The following SLC24A2 variants were observed in gnomAD, a reference collection of about 807,000 sequenced individuals.
SLC24A2 encodes the protein solute carrier family 24 member 2, also known as sodium/potassium/calcium exchanger 2.
SLC24A2 carries 36 observed loss-of-function variants against 62.0 expected under a neutral mutation model. The observed-to-expected ratio is 0.58, with a 90% CI of 0.44 to 0.77. The LOEUF (loss-of-function observed/expected upper bound fraction) is 0.77, where lower values mean the gene tolerates loss of function less well. SLC24A2 is among the 30% of genes least tolerant of loss of function. The probability of loss-of-function intolerance (pLI) is 0.00; values close to 1 mark genes in which losing one functional copy is unlikely to be tolerated. For missense variants in SLC24A2, 846 were observed against 817.9 expected (o/e 1.03, Z -0.42); for synonymous variants, 358 against 294.0 (o/e 1.22, Z -2.23).
chr9:20,064,915 G>C, the SLC24A2 span, among the ~76,000 whole-genome samples: 8 of 152,154 alleles, frequency 5.3e-5, no homozygotes, highest in African/African-American at 1.9e-4. Context: ...AGTCACCCTG[G>C]GGCAGGGAAG....
the SLC24A2 span, among the ~76,000 whole-genome samples, chr9:20,205,649 TAAA>T: frequency 1.8e-4 from 12 of 65,342 alleles, no homozygotes; most frequent in South Asian, 1.2e-3. Flanking sequence ...AGACTCCATC[TAAA>T]AAAAAAAAAA....
At chr9:19,523,949 T>C (rs1833313621) in intron 9 of SLC24A2, among the ~76,000 whole-genome samples, 2 of 152,022 alleles carry the variant, frequency 1.3e-5, no homozygotes, top group African/African-American at 2.4e-5. Flanking sequence ...AAGCCTTTTG[T>C]GGAAGAAGAA....
At chr9:19,686,937 G>T (rs1819898626) in intron 2 of SLC24A2, among the ~76,000 whole-genome samples, 1 of 152,088 alleles carries the variant, frequency 6.6e-6, no homozygotes, top group East Asian at 1.9e-4. Context: ...GTACACCATG[G>T]AATACCATGC....
the SLC24A2 span, among the ~76,000 whole-genome samples, chr9:19,920,823 C>T: frequency 1.2e-4 from 19 of 152,182 alleles, no homozygotes; most frequent in African/African-American, 3.6e-4. Flanking sequence ...GATCGGGAGC[C>T]GGATGTGAGA....
chr9:20,055,850 C>A, the SLC24A2 span, among the ~76,000 whole-genome samples: 1 of 152,064 alleles, frequency 6.6e-6, no homozygotes, highest in African/African-American at 2.4e-5. Context: ...GACGGCACCA[C>A]TGCACTCCAG....
chr9:20,004,620 A>G, the SLC24A2 span, among the ~76,000 whole-genome samples: 3 of 152,214 alleles, frequency 2.0e-5, no homozygotes, highest in African/African-American at 7.2e-5. Context: ...AATCATTAAT[A>G]TATTTAAATT....
the SLC24A2 span, among the ~76,000 whole-genome samples, chr9:20,123,438 A>T: frequency 3.9e-5 from 6 of 152,240 alleles, no homozygotes; most frequent in African/African-American, 1.4e-4. Context: ...TCAAATGACA[A>T]AGCAAAGATT....
At chr9:20,032,916 A>G in the SLC24A2 span, among the ~76,000 whole-genome samples, 1 of 152,192 alleles carries the variant, frequency 6.6e-6, no homozygotes, top group African/African-American at 2.4e-5. Flanking sequence ...CGAAAACTAG[A>G]AAATGGCAAG....
At chr9:19,527,250 T>C (rs1225753916) in intron 9 of SLC24A2, among the ~76,000 whole-genome samples, 1 of 152,232 alleles carries the variant, frequency 6.6e-6, no homozygotes, top group East Asian at 1.9e-4. Context: ...ATTAAAAGTA[T>C]GATTTTTGGA....
the SLC24A2 span, among the ~76,000 whole-genome samples, chr9:19,899,963 A>ATGTGTG: frequency 6.6e-6 from 1 of 152,204 alleles, no homozygotes; most frequent in Non-Finnish European, 1.5e-5. Context: ...TCAAGATGAG[A>ATGTGTG]TGTGTGTGGG....
At chr9:20,232,140 T>G in the SLC24A2 span, among the ~76,000 whole-genome samples, 1 of 152,240 alleles carries the variant, frequency 6.6e-6, no homozygotes, top group Non-Finnish European at 1.5e-5. Flanking sequence ...GGTTTTCCAG[T>G]ATTTTATTGA....
At chr9:19,736,868 T>A (rs780430757) in intron 2 of SLC24A2, among the ~76,000 whole-genome samples, 7 of 152,026 alleles carry the variant, frequency 4.6e-5, no homozygotes, top group Non-Finnish European at 1.0e-4. Context: ...AATAATCTTA[T>A]ACCATGCAAG....
intron 4 of SLC24A2, among the ~76,000 whole-genome samples, chr9:19,615,302 CAT>C (rs1363882544): frequency 6.6e-6 from 1 of 152,256 alleles, no homozygotes; most frequent in Non-Finnish European, 1.5e-5. Flanking sequence ...ACACCAGTGA[CAT>C]GAACGAACTG....
Position 19,516,297 on chromosome 9 carries a change from C to A in SLC24A2, c.1842G>T (p.Leu614=), listed in dbSNP as rs768860932. 1.2e-6 allele frequency: 2 copies of A among 1,614,026 alleles called. No individual in the cohort carries two copies. Among genetic ancestry groups the A allele is most frequent in the South Asian group, 2.2e-5 (2 of 91,076 alleles). Residue 614 remains leucine (L), a synonymous_variant, in exon 11 of 11, where the codon CTG becomes CTT. Transcript: ENST00000341998. ...GGGCGATAGAGAGGATGACGAAGAG[C>A]AGCATGATGAAGAGAAGGACGATGG... ...FCAIVLLFIM[L]LFVILSIALC... is the part of the protein sequence containing the mutation.
At position 19,584,999 on chromosome 9, in the gene SLC24A2, GAC is replaced by G. The variant is rs1335481355; in HGVS notation, c.1130-7979_1130-7978del. On this transcript the variant is annotated intron_variant, in intron 5 of 10. Transcript: ENST00000341998. Reference sequence around the variant, plus strand: ...GACATTTAATTATATTAGATTTACAGACACAATCATAGGAGTAATTTCTGTAA... The same window carrying G: ...GACATTTAATTATATTAGATTTACAGACAATCATAGGAGTAATTTCTGTAA... 1.2e-4 allele frequency among the ~76,000 whole-genome samples: 19 copies of G among 152,136 alleles called. No individual in the cohort carries two copies. The East Asian group carries it at 3.5e-3, about 28-fold the overall frequency.
At chr9:19,832,847 A>G in the SLC24A2 span, among the ~76,000 whole-genome samples, 1 of 152,216 alleles carries the variant, frequency 6.6e-6, no homozygotes, top group Non-Finnish European at 1.5e-5. Flanking sequence ...CTCATCTGAC[A>G]AAGGGCTAAT....
chr9:19,702,348 C>G (rs1481830935), intron 2 of SLC24A2, among the ~76,000 whole-genome samples: 1 of 152,168 alleles, frequency 6.6e-6, no homozygotes, highest in Non-Finnish European at 1.5e-5. Flanking sequence ...CCAGTTGGAA[C>G]TGATATATGT....
the SLC24A2 span, among the ~76,000 whole-genome samples, chr9:20,014,316 T>C: frequency 6.6e-6 from 1 of 152,082 alleles, no homozygotes. Context: ...AAAAGCAGTG[T>C]AGACAGTCCT....
the SLC24A2 span, among the ~76,000 whole-genome samples, chr9:19,798,555 TTGCTTTTATATA>T: frequency 1.3e-5 from 2 of 151,966 alleles, no homozygotes; most frequent in Non-Finnish European, 2.9e-5. Context: ...AATCTTTCCA[TTGCTTTTATATA>T]TGAACAATAC....
Sources: gnomAD v4.1 joint callset for allele counts (sites outside exome capture counted in the v4.1 genomes callset) on GRCh38, gnomAD v4.1.1 for gene constraint, MANE v1.5 for transcripts, NCBI Gene and HGNC (gene_info 2026-07-23, HGNC 2026-07-21) for gene names.